The following TPP2 variants were observed in gnomAD, a reference collection of about 807,000 sequenced individuals.
TPP2 encodes tripeptidyl-peptidase 2.
In TPP2, 34 loss-of-function variants were observed where a neutral mutation model predicts 155.9. The observed-to-expected ratio is 0.22, with a 90% CI of 0.17 to 0.29. The LOEUF (loss-of-function observed/expected upper bound fraction) is 0.29. Ranked by LOEUF, TPP2 falls within the 10% of genes least tolerant of loss-of-function variation. TPP2 has a pLI of 1.00. For missense variants in TPP2, 1,028 were observed against 1,522.3 expected, an observed-to-expected ratio of 0.68 and a Z score of 5.40; for synonymous variants, 510 against 529.4, an observed-to-expected ratio of 0.96 and a Z score of 0.50.
At chr13:102,609,718 A>C (rs1880128544) in intron 2 of TPP2, among the ~76,000 whole-genome samples, 1 of 152,046 alleles carries the variant, frequency 6.6e-6, no homozygotes, top group Non-Finnish European at 1.5e-5. Context: ...TTAAACCATT[A>C]GATCTTGTAA....
rs538733366 is a variant in TPP2 at position 102,599,398 on chromosome 13, C to G, written c.165+2195C>G. 3.3e-5 allele frequency among the ~76,000 whole-genome samples: 5 copies of G among 151,654 alleles called. No homozygotes were observed. In the South Asian group the frequency reaches 1.0e-3, roughly 31 times the overall value. ...CTTGCAAACGTGAGGATTTTTTTTTCCTGTACCTTTAACAGATTTATTTTG... is the reference window on the plus strand; with the variant it reads ...CTTGCAAACGTGAGGATTTTTTTTTGCTGTACCTTTAACAGATTTATTTTG... On this transcript the variant is annotated intron_variant, in intron 1 of 29. Coordinates refer to ENST00000376052, the MANE Select transcript of TPP2 (RefSeq NM_001330588.2).
intron 6 of TPP2, among the ~76,000 whole-genome samples, chr13:102,624,852 C>T (rs12584573): frequency 0.026 from 2,159 of 83,628 alleles, 75 homozygotes; most frequent in Non-Finnish European, 0.035. Flanking sequence ...TTTTTTTTTC[C>T]TTTTTTTTTT....
chr13:102,634,001 T>C lies in TPP2; in HGVS notation c.1296T>C (p.Ala432=), dbSNP rs1463029072. Residue 432 remains alanine (A), a synonymous_variant, in exon 11 of 30, where the codon GCT becomes GCC. Coordinates refer to ENST00000376052, the MANE Select transcript of TPP2 (RefSeq NM_001330588.2). ...VSISAPGGAI[A]SVPNWTLRGT... is the part of the protein sequence containing the mutation. ...TCAGTGCGCCAGGAGGAGCCATTGC[T>C]TCTGTTCCTAACTGGACACTGAGAG... The C allele has an allele frequency of 4.3e-6, 7 of 1,614,152 alleles. No homozygotes were observed. The highest frequency in any genetic ancestry group is 5.9e-6 in the Non-Finnish European group (7 of 1,179,992).
chr13:102,661,703 A>T (rs192401274), intron 25 of TPP2, among the ~76,000 whole-genome samples: 1 of 152,214 alleles, frequency 6.6e-6, no homozygotes, highest in East Asian at 1.9e-4. Flanking sequence ...CTTCAGGGAA[A>T]TGCACATCAA....
At chr13:102,598,958 C>G (rs956842005) in intron 1 of TPP2, among the ~76,000 whole-genome samples, 3 of 152,132 alleles carry the variant, frequency 2.0e-5, no homozygotes, top group Admixed American at 2.0e-4. Context: ...ATAATTTCAA[C>G]TTTTATTTTA....
At chr13:102,659,430 A>G (rs1456486259) in intron 25 of TPP2, among the ~76,000 whole-genome samples, 1 of 152,238 alleles carries the variant, frequency 6.6e-6, no homozygotes, top group Non-Finnish European at 1.5e-5. Flanking sequence ...AAAAATACTG[A>G]AAGTCAAAGA....
At chr13:102,644,858 T>C in intron 18 of TPP2, 51 bp from the exon 19 acceptor site, 1 of 1,584,350 alleles carries the variant, frequency 6.3e-7, no homozygotes, top group East Asian at 2.2e-5. Context: ...GTACAAAATA[T>C]TGCTTATTTT....
At chr13:102,655,769 T>C (rs1342978428) in intron 24 of TPP2, among the ~76,000 whole-genome samples, 2 of 152,134 alleles carry the variant, frequency 1.3e-5, no homozygotes, top group African/African-American at 4.8e-5. Flanking sequence ...GTAGGCTCTG[T>C]GCTGCCGGGT....
At chr13:102,597,511 C>T (rs940206157) in intron 1 of TPP2, among the ~76,000 whole-genome samples, 48 of 152,156 alleles carry the variant, frequency 3.2e-4, no homozygotes, top group Non-Finnish European at 8.8e-5. Flanking sequence ...AAGCCTGGGT[C>T]CCCCTTTGGC....
intron 9 of TPP2, 30 bp from the exon 10 acceptor site, chr13:102,630,066 C>A: frequency 6.3e-7 from 1 of 1,595,492 alleles, no homozygotes; most frequent in Non-Finnish European, 8.6e-7. Flanking sequence ...CGTTTGTTTT[C>A]TTTTCTTAAT....
Position 102,663,915 on chromosome 13 carries a change from C to G in TPP2, c.3240+171C>G, listed in dbSNP as rs138932716. Among the ~76,000 whole-genome samples, 1,121 of 152,304 alleles carry G rather than the reference C, an allele frequency of 7.4e-3. 7 individuals are homozygous for G. Among genetic ancestry groups the G allele is most frequent in the Middle Eastern group, 0.051 (15 of 294 alleles). ...TGAAGGTTATTATAAGACCTAGCCA[C>G]TACTGTGAGTTTAGTTTAGGATTCT... On this transcript the variant is annotated intron_variant, in intron 26 of 29. Coordinates refer to ENST00000376052, the MANE Select transcript of TPP2 (RefSeq NM_001330588.2).
intron 6 of TPP2, among the ~76,000 whole-genome samples, chr13:102,623,814 G>T (rs1045335466): frequency 6.6e-5 from 10 of 152,198 alleles, no homozygotes; most frequent in Non-Finnish European, 1.3e-4. Flanking sequence ...GTTCTGGAAT[G>T]TCCCTCAGAT....
Position 102,638,327 on chromosome 13 carries a change from G to A in TPP2, c.1913+12G>A. ...GTTATAGCAGCAAAGTAAGTAACAGGTTACTCACAGCTTACTGGTACATCT... is the reference window on the plus strand; with the variant it reads ...GTTATAGCAGCAAAGTAAGTAACAGATTACTCACAGCTTACTGGTACATCT... On this transcript the variant is annotated intron_variant, in intron 15 of 29. Transcript: ENST00000376052. 6.2e-7 allele frequency: 1 copy of A among 1,610,990 alleles called. No individual in the cohort carries two copies. The highest frequency in any genetic ancestry group is 8.5e-7 in the Non-Finnish European group (1 of 1,178,924).
At chr13:102,622,778 A>G (rs981660476) in intron 5 of TPP2, 99 bp from the exon 6 acceptor site, 22 of 1,258,630 alleles carry the variant, frequency 1.7e-5, no homozygotes, top group Non-Finnish European at 2.1e-5. Flanking sequence ...GTTGTGGTAG[A>G]GGTAGTAGTA....
At chr13:102,639,631 T>G (rs1040521383) in intron 15 of TPP2, among the ~76,000 whole-genome samples, 1 of 144,352 alleles carries the variant, frequency 6.9e-6, no homozygotes, top group Non-Finnish European at 1.5e-5. Flanking sequence ...TCATATTTTC[T>G]TCTTTGTTAC....
At chr13:102,635,253 A>G (rs1882290239) in intron 11 of TPP2, among the ~76,000 whole-genome samples, 1 of 152,218 alleles carries the variant, frequency 6.6e-6, no homozygotes, top group Non-Finnish European at 1.5e-5. Flanking sequence ...GCCAACAGCC[A>G]TCTTGTTTAA....
chr13:102,675,656 T>C (rs1222104251), intron 28 of TPP2, among the ~76,000 whole-genome samples: 1 of 152,194 alleles, frequency 6.6e-6, no homozygotes, highest in Admixed American at 6.5e-5. Flanking sequence ...AAAATTGTTA[T>C]AGATCATTCT....
intron 21 of TPP2, 101 bp downstream of exon 21, chr13:102,647,445 CAA>C (rs1000946193): frequency 7.1e-7 from 1 of 1,400,044 alleles, no homozygotes; most frequent in Admixed American, 2.7e-5. Context: ...TTAAAAAAAA[CAA>C]AAATTATAGC....
At chr13:102,616,209 A>T (rs1049194610) in intron 3 of TPP2, among the ~76,000 whole-genome samples, 187 bp from the exon 4 acceptor site, 1 of 152,186 alleles carries the variant, frequency 6.6e-6, no homozygotes, top group Non-Finnish European at 1.5e-5. Context: ...CGCCTACCTC[A>T]GCCTTCCAAA....
Sources: gnomAD v4.1 joint callset for allele counts (sites outside exome capture counted in the v4.1 genomes callset) on GRCh38, gnomAD v4.1.1 for gene constraint, MANE v1.5 for transcripts, NCBI Gene and HGNC (gene_info 2026-07-23, HGNC 2026-07-21) for gene names.